PSMG2: variants seen among roughly 807,000 people sequenced by gnomAD.
PSMG2 encodes the protein proteasome assembly chaperone 2, also known as CD40 ligand-activated specific transcript 3.
A neutral mutation model predicts 31.5 loss-of-function variants in PSMG2; 21 were observed. That is an observed-to-expected ratio of 0.67 (90% CI 0.47 to 0.96). PSMG2 has a LOEUF of 0.96. Ranked by LOEUF, PSMG2 falls within the 40% of genes least tolerant of loss-of-function variation. The pLI, the probability that PSMG2 is intolerant of heterozygous loss-of-function variation, is 0.00. For missense variants in PSMG2, 318 were observed against 321.2 expected (o/e 0.99, Z 0.08); for synonymous variants, 120 against 110.4 (o/e 1.09, Z -0.54).
chr18:12,686,221 AT>A, intron 1 of PSMG2: 1 of 1,500,918 alleles, frequency 6.7e-7, no homozygotes, highest in Non-Finnish European at 9.2e-7. Context: ...CAGAGTAACT[AT>A]GATATACTGC....
chr18:12,671,642 C>CTT (rs869130220), intron 1 of PSMG2, among the ~76,000 whole-genome samples: 662 of 55,432 alleles, frequency 0.012, 5 homozygotes, highest in East Asian at 0.017. Flanking sequence ...TTCACACTTT[C>CTT]TTTTTTTTTT....
chr18:12,671,866 G>A (rs766683287), intron 1 of PSMG2, among the ~76,000 whole-genome samples: 2 of 152,082 alleles, frequency 1.3e-5, no homozygotes, highest in South Asian at 2.1e-4. Flanking sequence ...TGTTGCCCAC[G>A]CTGGAGTACA....
upstream of PSMG2, chr18:12,698,833 G>A (rs1476856963): frequency 3.2e-6 from 2 of 621,482 alleles, no homozygotes; most frequent in South Asian, 2.2e-5. Flanking sequence ...GTGGATAGTA[G>A]TTTAAATTGA....
In PSMG2 at chr18:12,721,972, G is replaced by C. The variant is rs536887855; in HGVS notation, c.581+1289G>C. On this transcript the variant is annotated intron_variant, in intron 5 of 6. Transcript: ENST00000317615. ...ATTTTCTCATTTCCCTTGTGTTTTT[G>C]TTCCGTGTTCCTCTCTTGTCCCCCT... Among the ~76,000 whole-genome samples, 247 of 151,588 alleles carry C rather than the reference G, an allele frequency of 1.6e-3. 1 individual carries two copies. The highest frequency in any genetic ancestry group is 5.6e-3 in the African/African-American group (233 of 41,318).
At chr18:12,665,268 G>A (rs943422621) in intron 1 of PSMG2, 1 of 152,168 alleles carries the variant, frequency 6.6e-6, no homozygotes, top group African/African-American at 2.4e-5. Flanking sequence ...TTGTAGAAGG[G>A]TATAGGTAAA....
Position 12,722,325 on chromosome 18 carries a change from C to A in PSMG2, c.581+1642C>A, listed in dbSNP as rs561285999. On this transcript the variant is annotated intron_variant, in intron 5 of 6. Transcript: ENST00000317615. The stretch of plus-strand genomic sequence containing the variant: ...AAGGCAAATTTTAAGTCTACAGTTG[C>A]CTGGCTTTCTGCTTGAGATACTTTC... 2.0e-5 allele frequency among the ~76,000 whole-genome samples: 3 copies of A among 152,240 alleles called. 1 individual carries two copies. The South Asian group carries it at 6.2e-4, about 32-fold the overall frequency.
At chr18:12,703,435 A>G (rs146439368) in intron 1 of PSMG2, among the ~76,000 whole-genome samples, 57 of 152,290 alleles carry the variant, frequency 3.7e-4, no homozygotes, top group African/African-American at 1.3e-3. Flanking sequence ...GATACACTGT[A>G]CTTATGTTTT....
At chr18:12,692,979 T>C (rs2039822765) in intron 1 of PSMG2, among the ~76,000 whole-genome samples, 1 of 152,106 alleles carries the variant, frequency 6.6e-6, no homozygotes, top group Non-Finnish European at 1.5e-5. Context: ...TGCACCACCA[T>C]GTGCAGTTAA....
intron 5 of PSMG2, among the ~76,000 whole-genome samples, chr18:12,723,604 C>G (rs892878509): frequency 2.6e-5 from 4 of 152,122 alleles, no homozygotes; most frequent in Admixed American, 1.3e-4. Context: ...GTTGGCCAGG[C>G]TGGTCTCGAA....
At position 12,660,572 on chromosome 18, in the gene PSMG2, C is replaced by T. The variant is rs539794005; in HGVS notation, c.-37+1799C>T. ...CCTGACTTCAGTGGTCCACCCGCCT[C>T]AGCCTCCAAAAGCGCTGGGATTACA... On this transcript the variant is annotated intron_variant, in intron 1 of 6. Transcript: ENST00000585331. Among the ~76,000 whole-genome samples, 391 of 152,240 alleles carry T rather than the reference C, an allele frequency of 2.6e-3. 1 individual carries two copies. Among genetic ancestry groups the T allele is most frequent in the African/African-American group, 9.0e-3 (375 of 41,538 alleles).
chr18:12,671,642 C>CTTTTTTTT (rs869130220), intron 1 of PSMG2, among the ~76,000 whole-genome samples: 6 of 55,544 alleles, frequency 1.1e-4, no homozygotes, highest in South Asian at 5.5e-4. Context: ...TTCACACTTT[C>CTTTTTTTT]TTTTTTTTTT....
intron 2 of PSMG2, 106 bp downstream of exon 2, chr18:12,706,827 C>A: frequency 8.4e-7 from 1 of 1,196,780 alleles, no homozygotes; most frequent in East Asian, 2.6e-5. Flanking sequence ...TACTTAGTGC[C>A]AACTTTGTGT....
At chr18:12,659,401 C>T (rs188352586) in intron 1 of PSMG2, among the ~76,000 whole-genome samples, 25 of 152,300 alleles carry the variant, frequency 1.6e-4, no homozygotes, top group Admixed American at 4.6e-4. Flanking sequence ...TGCGCAGTGG[C>T]TTAGGCCTGT....
chr18:12,674,441 TA>T (rs34769779), intron 1 of PSMG2: 186,658 of 706,234 alleles, frequency 0.26, 1,459 homozygotes, highest in Non-Finnish European at 0.27. Flanking sequence ...GACCTTGAGT[TA>T]AAAAAAAAAA....
At chr18:12,703,370 G>A (rs961596942) in intron 1 of PSMG2, among the ~76,000 whole-genome samples, 2 of 152,242 alleles carry the variant, frequency 1.3e-5, no homozygotes, top group African/African-American at 2.4e-5. Context: ...ACGTAGTCAA[G>A]TCTACAATTT....
chr18:12,692,700 G>C (rs2145077138), intron 1 of PSMG2, among the ~76,000 whole-genome samples: 1 of 152,268 alleles, frequency 6.6e-6, no homozygotes. Context: ...TCCTGCACTA[G>C]AATCTAAACT....
At chr18:12,703,388 CTG>C (rs2040221052) in intron 1 of PSMG2, among the ~76,000 whole-genome samples, 1 of 152,276 alleles carries the variant, frequency 6.6e-6, no homozygotes, top group African/African-American at 2.4e-5. Context: ...TTTGTAGTCT[CTG>C]TTTCCTGTAA....
intron 3 of PSMG2, among the ~76,000 whole-genome samples, chr18:12,717,180 C>T (rs2040385090): frequency 6.6e-6 from 1 of 151,266 alleles, no homozygotes; most frequent in South Asian, 2.1e-4. Flanking sequence ...AACTCCTGGG[C>T]TCAAGTAGTC....
At chr18:12,698,525 C>T (rs1354674865), upstream of PSMG2, among the ~76,000 whole-genome samples, 2 of 152,150 alleles carry the variant, frequency 1.3e-5, no homozygotes, top group Non-Finnish European at 2.9e-5. Context: ...GTCTTGAACT[C>T]CTGGCTTCAA....
Sources: allele counts gnomAD v4.1 joint callset (sites outside exome capture counted in the v4.1 genomes callset), GRCh38; gene constraint gnomAD v4.1.1; transcripts MANE v1.5; gene names NCBI Gene and HGNC (gene_info 2026-07-23, HGNC 2026-07-21).